MGST1: variants seen among roughly 807,000 people sequenced by gnomAD.
The protein encoded by MGST1 is microsomal glutathione S-transferase 1.
MGST1 carries 5 observed loss-of-function variants against 8.9 expected under a neutral mutation model. The ratio of observed to expected loss-of-function variants is 0.56; its 90% CI spans 0.29 to 1.19. The LOEUF is 1.19. Among genes scored for constraint, MGST1 ranks in the 50% most tolerant of loss-of-function variants. MGST1 has a pLI of 0.08. For synonymous variants in MGST1, 54 were observed against 67.8 expected, an observed-to-expected ratio of 0.80 and a Z score of 1.00; for missense variants, 182 against 187.4, an observed-to-expected ratio of 0.97 and a Z score of 0.17.
At position 16,484,023 on chromosome 12, in the gene MGST1, T is replaced by C. The variant is rs989937236; in HGVS notation, n.482+100419T>C. ...ACCCTCTGACTACAGTGGGACCAAATTAGAGACCAATAACAGAAAGATAAC... is the reference window on the plus strand; with the variant it reads ...ACCCTCTGACTACAGTGGGACCAAACTAGAGACCAATAACAGAAAGATAAC... On this transcript the variant is annotated intron_variant and non_coding_transcript_variant, in intron 4 of 4. Coordinates refer to the MGST1 transcript ENST00000538857. 2.9e-4 allele frequency among the ~76,000 whole-genome samples: 44 copies of C among 152,168 alleles called. 1 individual carries two copies. Among genetic ancestry groups the C allele is most frequent in the African/African-American group, 1.0e-3 (42 of 41,436 alleles).
intron 1 of MGST1, among the ~76,000 whole-genome samples, chr12:16,409,981 A>T (rs1023084187): frequency 1.6e-4 from 25 of 152,194 alleles, no homozygotes; most frequent in African/African-American, 6.0e-4. Flanking sequence ...CTCAGAGATA[A>T]ATCCCTCCTC....
intron 1 of MGST1, among the ~76,000 whole-genome samples, chr12:16,408,765 C>T (rs1940717329): frequency 6.6e-6 from 1 of 152,038 alleles, no homozygotes; most frequent in Non-Finnish European, 1.5e-5. Context: ...TTTGTTAAAT[C>T]ACCTCCCTCT....
intron 4 of MGST1, among the ~76,000 whole-genome samples, chr12:16,529,569 G>A (rs986951904): frequency 5.9e-5 from 9 of 151,942 alleles, no homozygotes; most frequent in Admixed American, 2.0e-4. Flanking sequence ...TCAGGCAGGG[G>A]TCACATCTTC....
chr12:16,478,429 A>C (rs1303082191), intron 4 of MGST1, among the ~76,000 whole-genome samples: 1 of 150,438 alleles, frequency 6.6e-6, no homozygotes, highest in African/African-American at 2.4e-5. Context: ...AATACAGAAA[A>C]TTTTGAATCT....
intron 1 of MGST1, among the ~76,000 whole-genome samples, chr12:16,396,472 A>G (rs1213982418): frequency 1.3e-5 from 2 of 152,318 alleles, no homozygotes; most frequent in Middle Eastern, 3.4e-3. Context: ...AGGGTATCCA[A>G]ATCGGTAAAG....
intron 4 of MGST1, among the ~76,000 whole-genome samples, chr12:16,516,894 C>T (rs188575093): frequency 6.6e-6 from 1 of 152,194 alleles, no homozygotes; most frequent in Non-Finnish European, 1.5e-5. Context: ...GTCAATCTAT[C>T]AAATACTTTC....
chr12:16,531,199 G>A (rs935697917), intron 4 of MGST1, among the ~76,000 whole-genome samples: 11 of 147,410 alleles, frequency 7.5e-5, no homozygotes, highest in Non-Finnish European at 1.5e-4. Context: ...ATCATGGTGA[G>A]TGGAGTAGGA....
downstream of MGST1, among the ~76,000 whole-genome samples, chr12:16,590,735 A>C (rs565913735): frequency 2.6e-5 from 4 of 152,202 alleles, no homozygotes; most frequent in South Asian, 4.1e-4. Flanking sequence ...TCACATTGAA[A>C]TACTATGATG....
rs1352950856 is a variant in MGST1 at position 16,410,300 on chromosome 12, G to A, written n.778+26696G>A. ...TTTTAATGGAAGGGTTGAATCTACCGTTTTACTAGCATTCCTGCTTATATA... is the reference window on the plus strand; with the variant it reads ...TTTTAATGGAAGGGTTGAATCTACCATTTTACTAGCATTCCTGCTTATATA... On this transcript the variant is annotated intron_variant and non_coding_transcript_variant, in intron 1 of 1. Transcript: ENST00000359720. This position sits in a 1 kb window ranked among gnomAD's most constrained non-coding sequence, Gnocchi z 4.4. Among the ~76,000 whole-genome samples, 5 of 152,024 alleles carry A rather than the reference G, an allele frequency of 3.3e-5. No homozygotes were observed. Among genetic ancestry groups the A allele is most frequent in the African/African-American group, 7.2e-5 (3 of 41,386 alleles).
intron 4 of MGST1, among the ~76,000 whole-genome samples, chr12:16,491,077 TATG>T (rs1390674449): frequency 6.6e-6 from 1 of 152,196 alleles, no homozygotes; most frequent in African/African-American, 2.4e-5. Flanking sequence ...TAACTATTTA[TATG>T]TTTTGCTTTT....
At position 16,589,311 on chromosome 12, in the gene MGST1, C is replaced by G. The variant is rs997230680; in HGVS notation, n.483-217C>G. On this transcript the variant is annotated intron_variant and non_coding_transcript_variant, in intron 4 of 4. Coordinates refer to the MGST1 transcript ENST00000538857. This position sits in a 1 kb window ranked among gnomAD's most constrained non-coding sequence, Gnocchi z 4.2. ...ATCATTGATGGAGAAGGGGCAATAC[C>G]TAATGTAGTAGAATAATGAGAAACA... is the stretch of plus-strand genomic sequence containing the variant. 6.6e-5 allele frequency among the ~76,000 whole-genome samples: 10 copies of G among 151,900 alleles called. No individual in the cohort carries two copies. Among genetic ancestry groups the G allele is most frequent in the African/African-American group, 2.2e-4 (9 of 41,356 alleles).
rs1942357388 is a variant in MGST1 at position 16,560,380 on chromosome 12, C to A, written n.483-29148C>A. The A allele has an allele frequency of 6.2e-7, 1 of 1,601,434 alleles. No individual in the cohort carries two copies. Among genetic ancestry groups the A allele is most frequent in the East Asian group, 2.2e-5 (1 of 44,648 alleles). Reference sequence around the variant, plus strand: ...AAATAGCCAGCACAGAGAGGTTAACCATTTCTTAGAGACCAAAAAGAGACC... The same window carrying A: ...AAATAGCCAGCACAGAGAGGTTAACAATTTCTTAGAGACCAAAAAGAGACC... On this transcript the variant is annotated intron_variant and non_coding_transcript_variant, in intron 4 of 4. Transcript: ENST00000538857. This position sits in a 1 kb window ranked among gnomAD's most constrained non-coding sequence, Gnocchi z 5.0.
In MGST1 at chr12:16,589,249, A is replaced by T. The variant is rs537138260; in HGVS notation, n.483-279A>T. Among the ~76,000 whole-genome samples the T allele has an allele frequency of 6.6e-6, 1 of 152,264 alleles. No individual in the cohort carries two copies. Among genetic ancestry groups the T allele is most frequent in the East Asian group, 1.9e-4 (1 of 5,164 alleles). On this transcript the variant is annotated intron_variant and non_coding_transcript_variant, in intron 4 of 4. Transcript: ENST00000538857. The surrounding 1 kb of genome is among the most constrained non-coding windows in gnomAD (Gnocchi z 4.2). The stretch of plus-strand genomic sequence containing the variant: ...GATTATAACAACAGTAGATGAATGC[A>T]TCCTAATAGGAATACATAAGTTATC...
intron 1 of MGST1, among the ~76,000 whole-genome samples, chr12:16,405,429 C>T (rs979948678): frequency 6.6e-6 from 1 of 151,826 alleles, no homozygotes; most frequent in African/African-American, 2.4e-5. Flanking sequence ...AATGAACAGC[C>T]CACCAACCAA....
At chr12:16,524,078 T>C (rs545161552) in intron 4 of MGST1, among the ~76,000 whole-genome samples, 79 of 152,256 alleles carry the variant, frequency 5.2e-4, no homozygotes, top group African/African-American at 1.7e-3. Context: ...GTTCAGACTT[T>C]AAGTTGCTAT....
chr12:16,531,156 CAAAAAAAAAAAAA>C (rs5796677), intron 4 of MGST1, among the ~76,000 whole-genome samples: 1 of 46,516 alleles, frequency 2.1e-5, no homozygotes, highest in Admixed American at 3.3e-4. Flanking sequence ...TACCCCTGAC[CAAAAAAAAAAAAA>C]AAAAAAAAAA....
chr12:16,401,559 G>T lies in MGST1; in HGVS notation n.778+17955G>T. 1.7e-6 allele frequency: 2 copies of T among 1,166,532 alleles called. No homozygotes were observed. The highest frequency in any genetic ancestry group is 2.6e-6 in the Non-Finnish European group (2 of 775,658). The allele number at this position is 1,166,532 out of a possible 1,614,324, so 72.3% of individuals were successfully genotyped here. On this transcript the variant is annotated intron_variant and non_coding_transcript_variant, in intron 1 of 1. Coordinates refer to the MGST1 transcript ENST00000359720. The surrounding 1 kb of genome is among the most constrained non-coding windows in gnomAD (Gnocchi z 4.3). ...CCTGAGGAGGATCAGCCATCAAAGT[G>T]CGAACAGGTTGGAGCAATAAGACTC...
At chr12:16,368,743 A>G (rs1940237153), downstream of MGST1, among the ~76,000 whole-genome samples, 2 of 152,124 alleles carry the variant, frequency 1.3e-5, no homozygotes, top group Non-Finnish European at 2.9e-5. Context: ...GCAGGCCCTA[A>G]GTCACATTTA....
At position 16,423,081 on chromosome 12, in the gene MGST1, G is replaced by A. The variant is rs1422596700; in HGVS notation, n.779-14307G>A. On this transcript the variant is annotated intron_variant and non_coding_transcript_variant, in intron 1 of 1. Coordinates refer to the MGST1 transcript ENST00000359720. ...AGACTGCTGAGCTCTTTAAGCCACA[G>A]CCTGGAAACTCTCTAAACAGTAACC... is the stretch of plus-strand genomic sequence containing the variant. 3.3e-5 allele frequency among the ~76,000 whole-genome samples: 5 copies of A among 152,286 alleles called. No individual in the cohort carries two copies. The East Asian group carries it at 9.7e-4, about 29-fold the overall frequency.
Sources: allele counts gnomAD v4.1 joint callset (sites outside exome capture counted in the v4.1 genomes callset), GRCh38; gene constraint gnomAD v4.1.1; non-coding constraint Gnocchi (gnomAD v3.1); transcripts MANE v1.5; gene names NCBI Gene and HGNC (gene_info 2026-07-23, HGNC 2026-07-21).